COL23A1: variants seen among roughly 807,000 people sequenced by gnomAD.
COL23A1 encodes the protein collagen type XXIII alpha 1 chain.
In COL23A1, 97 loss-of-function variants were observed where a neutral mutation model predicts 99.3. The observed-to-expected ratio is 0.98, with a 90% CI of 0.83 to 1.16. The LOEUF (loss-of-function observed/expected upper bound fraction) is 1.16. Ranked by LOEUF, COL23A1 falls within the 50% of genes most tolerant of loss-of-function variation. The pLI is 0.00. For synonymous variants in COL23A1, 320 were observed against 308.2 expected (o/e 1.04, Z -0.40); for missense variants, 762 against 757.4 (o/e 1.01, Z -0.07).
At chr5:178,239,453 G>A (rs1406888609) in intron 27 of COL23A1, among the ~76,000 whole-genome samples, 5 of 152,222 alleles carry the variant, frequency 3.3e-5, no homozygotes, top group Non-Finnish European at 7.3e-5. Context: ...GGAACAGGAG[G>A]GCACTAGGAA....
In COL23A1 at chr5:178,330,449, A is replaced by C. The variant is rs1004334347; in HGVS notation, c.362-23530T>G. On this transcript the variant is annotated intron_variant, in intron 2 of 28. Coordinates refer to ENST00000390654, the MANE Select transcript of COL23A1 (RefSeq NM_173465.4). ...GGCGGGAGGATGACTTGAGGCCAGG[A>C]GCTCAAGACCAACTTGGGCAACATG... Among the ~76,000 whole-genome samples the C allele has an allele frequency of 1.5e-4, 23 of 152,290 alleles. No homozygotes were observed. The Middle Eastern group carries it at 0.01, about 68-fold the overall frequency.
chr5:178,513,476 G>T (rs1007817891), intron 2 of COL23A1, among the ~76,000 whole-genome samples: 5 of 152,146 alleles, frequency 3.3e-5, no homozygotes, highest in Non-Finnish European at 5.9e-5. Context: ...AGTTCTGTAG[G>T]TCAGAAGTCC....
chr5:178,272,564 C>T (rs1336727522), intron 5 of COL23A1, among the ~76,000 whole-genome samples: 1 of 152,008 alleles, frequency 6.6e-6, no homozygotes, highest in Non-Finnish European at 1.5e-5. Flanking sequence ...GCCCTGGGGG[C>T]CCCGGGTCAG....
intron 11 of COL23A1, among the ~76,000 whole-genome samples, chr5:178,260,612 T>C (rs560515025): frequency 1.6e-4 from 24 of 152,254 alleles, no homozygotes; most frequent in African/African-American, 4.8e-4. Context: ...CTGACCAACA[T>C]GGTGAAACCC....
At chr5:178,397,893 A>G (rs1004676299) in intron 2 of COL23A1, among the ~76,000 whole-genome samples, 2 of 152,186 alleles carry the variant, frequency 1.3e-5, no homozygotes, top group Non-Finnish European at 2.9e-5. Flanking sequence ...AGGCTGAGGC[A>G]GGAGAACAGC....
At chr5:178,474,438 A>G (rs1488032541) in intron 2 of COL23A1, among the ~76,000 whole-genome samples, 1 of 152,256 alleles carries the variant, frequency 6.6e-6, no homozygotes, top group Non-Finnish European at 1.5e-5. Flanking sequence ...TAACTAAATA[A>G]TTAACTTACT....
In COL23A1 at chr5:178,246,239, G is replaced by A. The variant is rs757728444; in HGVS notation, c.1413+15C>T. 3 of 1,553,092 alleles carry A rather than the reference G, an allele frequency of 1.9e-6. No homozygotes were observed. Among genetic ancestry groups the A allele is most frequent in the Non-Finnish European group, 2.6e-6 (3 of 1,147,678 alleles). The stretch of plus-strand genomic sequence containing the variant: ...TGGCCACGGTTGGAGAGGGAGTTCC[G>A]AATGAGGCGGTTACCTTCTCTCCTT... On this transcript the variant is annotated intron_variant, in intron 24 of 28. Transcript: ENST00000390654.
chr5:178,536,739 A>G (rs1209487838), intron 2 of COL23A1, among the ~76,000 whole-genome samples: 1 of 152,144 alleles, frequency 6.6e-6, no homozygotes, highest in East Asian at 1.9e-4. Flanking sequence ...TGATGACCCT[A>G]CAGAGGCTCT....
chr5:178,389,615 A>G (rs1351039662), intron 2 of COL23A1, among the ~76,000 whole-genome samples: 1 of 152,186 alleles, frequency 6.6e-6, no homozygotes, highest in Non-Finnish European at 1.5e-5. Flanking sequence ...AAGTCGTAGA[A>G]GTGGACTTGC....
intron 12 of COL23A1, among the ~76,000 whole-genome samples, chr5:178,259,508 G>GA (rs1001999976): frequency 6.6e-6 from 1 of 152,206 alleles, no homozygotes; most frequent in African/African-American, 2.4e-5. Flanking sequence ...ATAAATGAAT[G>GA]AATGAAATGA....
At chr5:178,433,461 G>A (rs376064062) in intron 2 of COL23A1, among the ~76,000 whole-genome samples, 2 of 152,150 alleles carry the variant, frequency 1.3e-5, no homozygotes, top group African/African-American at 2.4e-5. Context: ...TCGGAACCTC[G>A]TTGCTGAGGG....
At chr5:178,352,693 G>T (rs2127681243) in intron 2 of COL23A1, among the ~76,000 whole-genome samples, 1 of 152,320 alleles carries the variant, frequency 6.6e-6, no homozygotes, top group South Asian at 2.1e-4. Context: ...AAAAACTCTG[G>T]AAGATGCATT....
At chr5:178,562,140 A>T in intron 1 of COL23A1, 1 of 509,390 alleles carries the variant, frequency 2.0e-6, no homozygotes, top group Non-Finnish European at 3.8e-6. Context: ...TGCTTGGGAG[A>T]CTGAGGCTGG....
intron 2 of COL23A1, among the ~76,000 whole-genome samples, chr5:178,388,025 G>A (rs1179004478): frequency 6.6e-6 from 1 of 152,096 alleles, no homozygotes; most frequent in Non-Finnish European, 1.5e-5. Context: ...TGCTCCTCAG[G>A]GCATGTCCAC....
Position 178,263,209 on chromosome 5 carries a change from G to A in COL23A1, c.638C>T (p.Ala213Val), listed in dbSNP as rs112924647. The stretch of plus-strand genomic sequence containing the variant: ...GCCCAACTCCATGCCCTCTCTTACC[G>A]CTGGGCCTTGTGCTCCCCTGGGGCC... The part of the protein sequence containing the change: ...KDGPRGAQGP[A>V]GPKGEPGQDG... Residue 213 changes from alanine to valine, a missense_variant and splice_region_variant, in exon 9 of 29, where the codon GCG becomes GTG. Ala to Val is a moderately conservative substitution (Grantham distance 64). Coordinates refer to ENST00000390654, the MANE Select transcript of COL23A1 (RefSeq NM_173465.4). 175 of 1,610,946 alleles carry A rather than the reference G, an allele frequency of 1.1e-4. No individual in the cohort carries two copies. The highest frequency in any genetic ancestry group is 2.0e-4 in the African/African-American group (15 of 74,928).
intron 1 of COL23A1, among the ~76,000 whole-genome samples, chr5:178,572,816 T>C (rs1763173512): frequency 6.6e-6 from 1 of 152,232 alleles, no homozygotes; most frequent in Non-Finnish European, 1.5e-5. Context: ...AATTGTGGTA[T>C]ATCCATATAG....
At chr5:178,574,578 C>T (rs998849828) in intron 1 of COL23A1, among the ~76,000 whole-genome samples, 5 of 152,114 alleles carry the variant, frequency 3.3e-5, no homozygotes, top group Admixed American at 1.3e-4. Flanking sequence ...GTTTGGAAGC[C>T]GCTTAATGCT....
intron 5 of COL23A1, among the ~76,000 whole-genome samples, chr5:178,287,404 G>A (rs920588259): frequency 2.0e-5 from 3 of 152,224 alleles, no homozygotes; most frequent in African/African-American, 7.2e-5. Flanking sequence ...GACACATCAT[G>A]TGCCTTCATC....
intron 2 of COL23A1, among the ~76,000 whole-genome samples, chr5:178,547,611 C>A (rs867611177): frequency 2.2e-3 from 14 of 6,458 alleles, no homozygotes; most frequent in Non-Finnish European, 3.9e-3. Flanking sequence ...ACACACACAC[C>A]CCCCACACAC....
Sources: gnomAD v4.1 joint callset for allele counts (sites outside exome capture counted in the v4.1 genomes callset) on GRCh38, gnomAD v4.1.1 for gene constraint, MANE v1.5 for transcripts, NCBI Gene and HGNC (gene_info 2026-07-23, HGNC 2026-07-21) for gene names.